LAMA2: variants seen among roughly 807,000 people sequenced by gnomAD.
The protein encoded by LAMA2 is laminin subunit alpha-2.
LAMA2 carries 269 observed loss-of-function variants against 364.8 expected under a neutral mutation model. The ratio of observed to expected loss-of-function variants is 0.74; its 90% CI spans 0.67 to 0.82. The LOEUF (loss-of-function observed/expected upper bound fraction) is 0.82. Among genes scored for constraint, LAMA2 ranks in the 40% least tolerant of loss-of-function variants. The pLI is 0.00. For missense variants in LAMA2, 3,807 were observed against 3,873.2 expected (o/e 0.98, Z 0.45); for synonymous variants, 1,379 against 1,370.6 (o/e 1.01, Z -0.14).
chr6:129,300,837 A>G lies in LAMA2; in HGVS notation c.3139A>G (p.Asn1047Asp), dbSNP rs761283808. The change falls in exon 22 of 65, where the codon AAT (asparagine) becomes GAT (aspartate). Residue 1047 changes from asparagine (N) to aspartate (D), a missense_variant. Physicochemically the swap from Asn to Asp is conservative, Grantham distance 23 (BLOSUM62 1). Transcript: ENST00000421865. ...AGAGAAATGTTCTAAATGTGCACCC[A>G]ATACCTGGGGCCACAGCATTACCAC... ...IGEKCSKCAP[N>D]TWGHSITTGC... The G allele has an allele frequency of 1.9e-6, 3 of 1,613,908 alleles. No individual in the cohort carries two copies. Among genetic ancestry groups the G allele is most frequent in the Non-Finnish European group, 2.5e-6 (3 of 1,179,784 alleles).
intron 20 of LAMA2, among the ~76,000 whole-genome samples, chr6:129,293,327 A>C (rs1013762035): frequency 6.6e-6 from 1 of 152,252 alleles, no homozygotes; most frequent in African/African-American, 2.4e-5. Context: ...TGTGGAAATC[A>C]AATAAAAATC....
intron 8 of LAMA2, among the ~76,000 whole-genome samples, chr6:129,159,433 G>A (rs1183848327): frequency 6.6e-6 from 1 of 152,150 alleles, no homozygotes; most frequent in African/African-American, 2.4e-5. Flanking sequence ...GTGCCGAGGC[G>A]CAGGCAGGGT....
intron 1 of LAMA2, among the ~76,000 whole-genome samples, chr6:129,013,779 A>G (rs997152319): frequency 1.1e-4 from 17 of 151,992 alleles, no homozygotes; most frequent in Non-Finnish European, 2.1e-4. Flanking sequence ...TATTCTCTAT[A>G]TGAGAATAGA....
intron 2 of LAMA2, among the ~76,000 whole-genome samples, chr6:129,057,955 T>C (rs1788602973): frequency 6.6e-6 from 1 of 152,204 alleles, no homozygotes; most frequent in Non-Finnish European, 1.5e-5. Flanking sequence ...TTTTATGAAA[T>C]TCTCAAGACT....
intron 4 of LAMA2, among the ~76,000 whole-genome samples, chr6:129,103,707 T>A (rs1194225529): frequency 6.6e-6 from 1 of 152,200 alleles, no homozygotes. Context: ...CAGTTTCTCA[T>A]TGCATCAATC....
At position 129,503,173 on chromosome 6, in the gene LAMA2, G is replaced by T; in HGVS notation, c.8440G>T (p.Ala2814Ser). 1.9e-6 allele frequency: 3 copies of T among 1,614,108 alleles called. No homozygotes were observed. The highest frequency in any genetic ancestry group is 2.5e-6 in the Non-Finnish European group (3 of 1,179,980). The change falls in exon 60 of 65, where the codon GCA (alanine) becomes TCA (serine). Residue 2814 changes from alanine to serine, a missense_variant. By Grantham distance (99) the Ala-to-Ser change is moderately conservative. Coordinates refer to ENST00000421865, the MANE Select transcript of LAMA2 (RefSeq NM_000426.4). ...GGCTCGCATCAATCATGCTGATTTT[G>T]CAACAGTTCAGCTGAGAAATGGATT... Reference protein sequence around the residue: ...YMARINHADFATVQLRNGLPY... With the variant: ...YMARINHADFSTVQLRNGLPY...
rs1226331494 is a variant in LAMA2 at position 129,326,131 on chromosome 6, T to C, written c.4177-2147T>C. 2.0e-5 allele frequency among the ~76,000 whole-genome samples: 3 copies of C among 152,186 alleles called. No individual in the cohort carries two copies. The East Asian group carries it at 5.8e-4, about 29-fold the overall frequency. Reference sequence around the variant, plus strand: ...CTGGGATTACAGGCGTGAGCCACCATGTCTCGCCTTTTCCATGTGCCCTTT... The same window carrying C: ...CTGGGATTACAGGCGTGAGCCACCACGTCTCGCCTTTTCCATGTGCCCTTT... On this transcript the variant is annotated intron_variant, in intron 28 of 64. Coordinates refer to ENST00000421865, the MANE Select transcript of LAMA2 (RefSeq NM_000426.4).
At position 129,252,287 on chromosome 6, in the gene LAMA2, C is replaced by T. The variant is rs765615918; in HGVS notation, c.2088C>T (p.Ala696=). 6.2e-7 allele frequency: 1 copy of T among 1,612,068 alleles called. No individual in the cohort carries two copies. Among genetic ancestry groups the T allele is most frequent in the East Asian group, 2.2e-5 (1 of 44,822 alleles). ...TCACATACAGCTTTGGGATGGATGC[C>T]ATCTTCAGGTAAAATCAAGAACTGC... The part of the protein sequence containing the change: ...LQITYSFGMD[A]IFRLSSVNLE... The change falls in exon 14 of 65, where the codon GCC becomes GCT. Residue 696 remains alanine (A), a synonymous_variant. Transcript: ENST00000421865.
chr6:129,383,117 A>G lies in LAMA2; in HGVS notation c.4960-5A>G. 1.9e-6 allele frequency: 3 copies of G among 1,612,406 alleles called. No individual in the cohort carries two copies. The South Asian group carries it at 3.3e-5, about 18-fold the overall frequency. On this transcript the variant is annotated splice_region_variant and splice_polypyrimidine_tract_variant and intron_variant, in intron 34 of 64. Transcript: ENST00000421865. ...ATTATGTGTTTCCCGAATTTGGATC[A>G]TTAGGCTACCAAAGTGACAGCAGAT...
intron 1 of LAMA2, among the ~76,000 whole-genome samples, chr6:128,961,880 G>A (rs1781543651): frequency 6.6e-6 from 1 of 151,656 alleles, no homozygotes; most frequent in African/African-American, 2.4e-5. Flanking sequence ...GTTGGCAGGG[G>A]GATCTGGATA....
chr6:129,237,250 A>G (rs143350595), intron 12 of LAMA2, among the ~76,000 whole-genome samples: 188 of 152,314 alleles, frequency 1.2e-3, no homozygotes, highest in African/African-American at 4.2e-3. Context: ...CATTTTTAAC[A>G]TGTTTAATTG....
intron 12 of LAMA2, among the ~76,000 whole-genome samples, chr6:129,215,989 T>C (rs1783400694): frequency 6.6e-6 from 1 of 152,190 alleles, no homozygotes; most frequent in South Asian, 2.1e-4. Context: ...AACAAATTTC[T>C]GTGTACTGAT....
At chr6:129,307,814 T>C (rs1743289799) in intron 22 of LAMA2, among the ~76,000 whole-genome samples, 1 of 152,218 alleles carries the variant, frequency 6.6e-6, no homozygotes, top group African/African-American at 2.4e-5. Context: ...TTCATTAAAT[T>C]GAAGAGCAAT....
chr6:129,166,886 G>A (rs1458802870), intron 9 of LAMA2, among the ~76,000 whole-genome samples: 1 of 152,040 alleles, frequency 6.6e-6, no homozygotes, highest in Non-Finnish European at 1.5e-5. Flanking sequence ...TCTGGCTTCA[G>A]CACCTAAATA....
chr6:129,360,427 T>C (rs373440775), intron 32 of LAMA2, among the ~76,000 whole-genome samples: 14 of 152,138 alleles, frequency 9.2e-5, no homozygotes, highest in African/African-American at 3.4e-4. Flanking sequence ...TAGCAAACCA[T>C]TATGTAAAGG....
chr6:129,332,661 G>A (rs964203274), intron 29 of LAMA2, among the ~76,000 whole-genome samples: 10 of 152,016 alleles, frequency 6.6e-5, no homozygotes, highest in African/African-American at 1.9e-4. Context: ...TCTATATCAA[G>A]CACGCATTTC....
chr6:129,043,006 G>A (rs1787213538), intron 1 of LAMA2, among the ~76,000 whole-genome samples: 1 of 152,048 alleles, frequency 6.6e-6, no homozygotes, highest in Admixed American at 6.5e-5. Context: ...GACATGTAAT[G>A]TCATTTATCT....
intron 37 of LAMA2, among the ~76,000 whole-genome samples, 159 bp downstream of exon 37, chr6:129,393,414 T>G (rs548616865): frequency 1.3e-5 from 2 of 152,304 alleles, no homozygotes; most frequent in East Asian, 3.9e-4. Flanking sequence ...GAAATGACTT[T>G]TTTTTGTTTT....
chr6:128,914,464 C>T (rs183968739), intron 1 of LAMA2, among the ~76,000 whole-genome samples: 1 of 152,174 alleles, frequency 6.6e-6, no homozygotes, highest in Non-Finnish European at 1.5e-5. Flanking sequence ...GTGTAATCCT[C>T]TATCTCATAT....
Sources: gnomAD v4.1 joint callset for allele counts (sites outside exome capture counted in the v4.1 genomes callset) on GRCh38, gnomAD v4.1.1 for gene constraint, MANE v1.5 for transcripts, NCBI Gene and HGNC (gene_info 2026-07-23, HGNC 2026-07-21) for gene names.